Variants in PTPRO observed in about 807,000 individuals in gnomAD.
PTPRO encodes the protein receptor-type tyrosine-protein phosphatase O.
PTPRO carries 62 observed loss-of-function variants against 145.2 expected under a neutral mutation model. The observed-to-expected ratio is 0.43, with a 90% CI of 0.35 to 0.53. The LOEUF (loss-of-function observed/expected upper bound fraction) is 0.53. Among genes scored for constraint, PTPRO ranks in the 20% least tolerant of loss-of-function variants. PTPRO has a pLI of 0.01. For missense variants in PTPRO, 1,345 were observed against 1,482.7 expected (o/e 0.91, Z 1.53); for synonymous variants, 565 against 514.7 (o/e 1.10, Z -1.32).
intron 1 of PTPRO, among the ~76,000 whole-genome samples, chr12:15,324,362 T>A (rs1866385156): frequency 6.6e-6 from 1 of 152,112 alleles, no homozygotes; most frequent in East Asian, 1.9e-4. Flanking sequence ...GAGAATGACT[T>A]GGTTGGGAGT....
chr12:15,430,664 T>TG (rs1304887192), intron 1 of PTPRO, among the ~76,000 whole-genome samples: 1 of 152,142 alleles, frequency 6.6e-6, no homozygotes, highest in African/African-American at 2.4e-5. Context: ...TTGTACATCA[T>TG]GGATGCTTAG....
At chr12:15,522,995 G>C in intron 10 of PTPRO, among the ~76,000 whole-genome samples, 1 of 152,190 alleles carries the variant, frequency 6.6e-6, no homozygotes, top group East Asian at 1.9e-4. Context: ...AGGCTATAAG[G>C]AAGCCAAGGT....
chr12:15,344,983 C>T (rs952194035), intron 1 of PTPRO, among the ~76,000 whole-genome samples: 1 of 152,196 alleles, frequency 6.6e-6, no homozygotes, highest in African/African-American at 2.4e-5. Context: ...CAGCTGAATA[C>T]ACCACCAAGC....
At chr12:15,536,483 A>G (rs1943067995) in intron 12 of PTPRO, among the ~76,000 whole-genome samples, 1 of 152,200 alleles carries the variant, frequency 6.6e-6, no homozygotes, top group Admixed American at 6.5e-5. Context: ...GTGTGGCTGC[A>G]ATGGAACAAA....
chr12:15,438,683 C>G (rs1281862788), intron 1 of PTPRO, among the ~76,000 whole-genome samples: 1 of 151,976 alleles, frequency 6.6e-6, no homozygotes, highest in East Asian at 1.9e-4. Flanking sequence ...TAAAAATGAG[C>G]AGTCCTCATG....
At chr12:15,463,094 T>C (rs1489464936) in intron 1 of PTPRO, among the ~76,000 whole-genome samples, 1 of 152,212 alleles carries the variant, frequency 6.6e-6, no homozygotes, top group African/African-American at 2.4e-5. Flanking sequence ...ATTTGTTTTC[T>C]CAAAGCTTAA....
chr12:15,335,637 A>G (rs141308269), intron 1 of PTPRO, among the ~76,000 whole-genome samples: 131 of 152,272 alleles, frequency 8.6e-4, no homozygotes, highest in Non-Finnish European at 1.6e-3. Flanking sequence ...ACAAGGACTT[A>G]GAACTAAATA....
intron 13 of PTPRO, among the ~76,000 whole-genome samples, chr12:15,547,182 G>A (rs566359357): frequency 6.6e-6 from 1 of 152,272 alleles, no homozygotes; most frequent in Non-Finnish European, 1.5e-5. Flanking sequence ...TCGACCAAGA[G>A]AATTTAAAAG....
intron 1 of PTPRO, among the ~76,000 whole-genome samples, chr12:15,399,462 A>G (rs59969521): frequency 0.082 from 12,528 of 152,224 alleles, 599 homozygotes; most frequent in African/African-American, 0.13. Flanking sequence ...ACTAGCATGC[A>G]GTACCAAGGG....
chr12:15,579,936 A>G (rs1392516299), intron 20 of PTPRO, 103 bp from the exon 21 acceptor site: 1 of 862,634 alleles, frequency 1.2e-6, no homozygotes, highest in African/African-American at 1.7e-5. Context: ...TTATCTGCCT[A>G]CTCTGTCACT....
At chr12:15,416,774 T>C (rs1207034586) in intron 1 of PTPRO, among the ~76,000 whole-genome samples, 2 of 151,164 alleles carry the variant, frequency 1.3e-5, no homozygotes, top group Non-Finnish European at 2.9e-5. Flanking sequence ...TAAGTGAAGT[T>C]GTGCAGTTTT....
At chr12:15,548,342 C>T (rs1415554651) in intron 13 of PTPRO, among the ~76,000 whole-genome samples, 2 of 152,152 alleles carry the variant, frequency 1.3e-5, no homozygotes, top group African/African-American at 4.8e-5. Context: ...AGGTGAGTAA[C>T]TTGCAAAATG....
chr12:15,335,234 A>AT (rs1866723674), intron 1 of PTPRO, among the ~76,000 whole-genome samples: 1 of 152,060 alleles, frequency 6.6e-6, no homozygotes, highest in Non-Finnish European at 1.5e-5. Context: ...AAATTCTTAG[A>AT]TTTTTATCTA....
intron 12 of PTPRO, among the ~76,000 whole-genome samples, chr12:15,543,294 T>C (rs1943215843): frequency 6.6e-6 from 1 of 152,206 alleles, no homozygotes; most frequent in South Asian, 2.1e-4. Context: ...ACGTGGTTGT[T>C]AGATGTCCCA....
At chr12:15,482,840 G>A (rs1941808321) in intron 1 of PTPRO, among the ~76,000 whole-genome samples, 1 of 152,074 alleles carries the variant, frequency 6.6e-6, no homozygotes, top group African/African-American at 2.4e-5. Context: ...AAGAGATGAA[G>A]ACAAATGAAC....
intron 1 of PTPRO, among the ~76,000 whole-genome samples, chr12:15,436,336 A>C (rs1157513401): frequency 6.6e-6 from 1 of 152,250 alleles, no homozygotes; most frequent in East Asian, 1.9e-4. Flanking sequence ...ATTTATAAAA[A>C]GTTAAAGCAA....
chr12:15,501,290 G>A (rs1942216624), intron 4 of PTPRO, among the ~76,000 whole-genome samples: 2 of 148,862 alleles, frequency 1.3e-5, no homozygotes, highest in South Asian at 4.3e-4. Context: ...ACATTTTTTT[G>A]TAAGTGGAAT....
intron 1 of PTPRO, among the ~76,000 whole-genome samples, chr12:15,479,713 A>G (rs951683270): frequency 6.6e-6 from 1 of 152,228 alleles, no homozygotes; most frequent in African/African-American, 2.4e-5. Context: ...AGCAGAATAC[A>G]CTGGTCTTGA....
At chr12:15,511,986 G>A (rs1223803394) in intron 7 of PTPRO, among the ~76,000 whole-genome samples, 2 of 152,150 alleles carry the variant, frequency 1.3e-5, no homozygotes, top group East Asian at 3.8e-4. Flanking sequence ...TACTCCTTAT[G>A]CCCTTTATTA....
Sources: allele counts gnomAD v4.1 joint callset (sites outside exome capture counted in the v4.1 genomes callset), GRCh38; gene constraint gnomAD v4.1.1; transcripts MANE v1.5; gene names NCBI Gene and HGNC (gene_info 2026-07-23, HGNC 2026-07-21).